Variants in C12orf54 observed in about 807,000 individuals in gnomAD.
The protein encoded by C12orf54 is chromosome 12 open reading frame 54, also known as uncharacterized protein C12orf54.
A neutral mutation model predicts 26.4 loss-of-function variants in C12orf54; 24 were observed. The ratio of observed to expected loss-of-function variants is 0.91; its 90% CI spans 0.66 to 1.28. The LOEUF is 1.28. Ranked by LOEUF, C12orf54 falls within the 50% of genes most tolerant of loss-of-function variation. The pLI, the probability that C12orf54 is intolerant of heterozygous loss-of-function variation, is 0.00. For missense variants in C12orf54, 154 were observed against 150.9 expected (o/e 1.02, Z -0.11); for synonymous variants, 54 against 47.0 (o/e 1.15, Z -0.61).
chr12:48,416,506 A>G, the C12orf54 span, among the ~76,000 whole-genome samples: 1 of 152,170 alleles, frequency 6.6e-6, no homozygotes, highest in Non-Finnish European at 1.5e-5. Context: ...TCCAAAAGTC[A>G]TGTTGAAATT....
At chr12:48,416,069 A>T in the C12orf54 span, among the ~76,000 whole-genome samples, 1 of 152,160 alleles carries the variant, frequency 6.6e-6, no homozygotes, top group African/African-American at 2.4e-5. Flanking sequence ...TACTTCCAAA[A>T]CATATTCCAA....
At chr12:48,470,529 CTTG>C in the C12orf54 span, among the ~76,000 whole-genome samples, 3 of 152,114 alleles carry the variant, frequency 2.0e-5, no homozygotes, top group East Asian at 5.8e-4. Context: ...TAGCTTTTTG[CTTG>C]TTGATTTAAG....
At chr12:48,471,468 A>G in the C12orf54 span, among the ~76,000 whole-genome samples, 1 of 152,128 alleles carries the variant, frequency 6.6e-6, no homozygotes, top group Non-Finnish European at 1.5e-5. Context: ...GGATTTTTAT[A>G]GGTTGAAGTC....
At chr12:48,441,491 G>T in the C12orf54 span, among the ~76,000 whole-genome samples, 1 of 151,982 alleles carries the variant, frequency 6.6e-6, no homozygotes, top group Middle Eastern at 3.2e-3. Context: ...GAGAGTAAAT[G>T]ATCTGACATT....
At chr12:48,489,627 C>T (rs1362592656) in intron 5 of C12orf54, among the ~76,000 whole-genome samples, 1 of 151,978 alleles carries the variant, frequency 6.6e-6, no homozygotes, top group Non-Finnish European at 1.5e-5. Context: ...ATGTTGCCCA[C>T]GTTGGTCTCA....
chr12:48,481,287 C>T (rs182182824), upstream of C12orf54, among the ~76,000 whole-genome samples: 2 of 151,988 alleles, frequency 1.3e-5, no homozygotes, highest in East Asian at 1.9e-4. Context: ...TTATGAGATA[C>T]ATCTGGCCAT....
At chr12:48,445,893 G>A in the C12orf54 span, among the ~76,000 whole-genome samples, 1 of 152,072 alleles carries the variant, frequency 6.6e-6, no homozygotes. Flanking sequence ...TAACACAAAT[G>A]GACACCATAT....
the C12orf54 span, among the ~76,000 whole-genome samples, chr12:48,471,032 C>T: frequency 6.6e-6 from 1 of 152,002 alleles, no homozygotes; most frequent in Non-Finnish European, 1.5e-5. Context: ...TATAGTCACC[C>T]TGTTGTGCTA....
At chr12:48,431,129 G>T in the C12orf54 span, among the ~76,000 whole-genome samples, 3 of 152,056 alleles carry the variant, frequency 2.0e-5, no homozygotes, top group Non-Finnish European at 2.9e-5. Flanking sequence ...TGATACAATG[G>T]ACTTTGGGAA....
At position 48,492,796 on chromosome 12, in the gene C12orf54, C is replaced by T. The variant is rs573052805; in HGVS notation, c.194-151C>T. ...TTCTGGTGCCACATTCTGCAACTGC[C>T]TCTCTGATGGGCCTGTTAGGTGGTC... On this transcript the variant is annotated intron_variant, in intron 6 of 8. Transcript: ENST00000548364. 6 of 647,324 alleles carry T rather than the reference C, an allele frequency of 9.3e-6. No homozygotes were observed. In the Admixed American group the frequency reaches 1.4e-4, roughly 15 times the overall value. 40.1% of individuals were successfully genotyped at this position (647,324 alleles called of 1,614,324 possible).
chr12:48,487,796 C>G, intron 4 of C12orf54: 1 of 441,592 alleles, frequency 2.3e-6, no homozygotes, highest in Non-Finnish European at 4.1e-6. Context: ...CAAGATACAA[C>G]CATCTTAAAG....
the C12orf54 span, chr12:48,473,110 A>G: frequency 4.3e-4 from 689 of 1,613,134 alleles, 1 homozygote; most frequent in Admixed American, 8.2e-4. Context: ...AACGGCTGTG[A>G]CCCGGATGAC....
chr12:48,414,751 A>G, the C12orf54 span, among the ~76,000 whole-genome samples: 1 of 152,172 alleles, frequency 6.6e-6, no homozygotes, highest in East Asian at 1.9e-4. Flanking sequence ...TGGGATGGGC[A>G]TCCACTCCTG....
chr12:48,440,323 A>C, the C12orf54 span, among the ~76,000 whole-genome samples: 2 of 152,202 alleles, frequency 1.3e-5, no homozygotes, highest in African/African-American at 4.8e-5. Flanking sequence ...AGGTGAAGGG[A>C]AGGATGACAC....
At chr12:48,450,197 T>C in the C12orf54 span, among the ~76,000 whole-genome samples, 2 of 152,126 alleles carry the variant, frequency 1.3e-5, no homozygotes, top group South Asian at 4.1e-4. Context: ...ACAGTCAAAA[T>C]ATATATGTAT....
intron 2 of C12orf54, 122 bp from the exon 3 acceptor site, chr12:48,486,056 T>C (rs1954257674): frequency 1.0e-6 from 1 of 954,990 alleles, no homozygotes; most frequent in African/African-American, 1.6e-5. Flanking sequence ...TGGCTACCCT[T>C]CCTGGATTTT....
At chr12:48,472,812 A>G in the C12orf54 span, 1 of 1,614,248 alleles carries the variant, frequency 6.2e-7, no homozygotes, top group African/African-American at 1.3e-5. Context: ...ATTAAATACA[A>G]TCAACATAGG....
the C12orf54 span, among the ~76,000 whole-genome samples, chr12:48,425,764 A>T: frequency 2.6e-5 from 4 of 152,000 alleles, no homozygotes; most frequent in African/African-American, 9.7e-5. Flanking sequence ...TTTTAATAGT[A>T]GCCATTCTGA....
At chr12:48,465,408 A>G in the C12orf54 span, among the ~76,000 whole-genome samples, 1 of 152,180 alleles carries the variant, frequency 6.6e-6, no homozygotes, top group Non-Finnish European at 1.5e-5. Context: ...AAAAGTCAAA[A>G]CATAACTGAT....
Sources: allele counts gnomAD v4.1 joint callset (sites outside exome capture counted in the v4.1 genomes callset), GRCh38; gene constraint gnomAD v4.1.1; transcripts MANE v1.5; gene names NCBI Gene and HGNC (gene_info 2026-07-23, HGNC 2026-07-21).